VRTN: variants seen among roughly 807,000 people sequenced by gnomAD.
VRTN encodes the protein vertnin.
A neutral mutation model predicts 18.2 loss-of-function variants in VRTN; 5 were observed. The ratio of observed to expected loss-of-function variants is 0.27; its 90% CI spans 0.14 to 0.58. The LOEUF (loss-of-function observed/expected upper bound fraction) is 0.58, where lower values mean the gene tolerates loss of function less well. Ranked by LOEUF, VRTN falls within the 20% of genes least tolerant of loss-of-function variation. The pLI is 0.91. For missense variants in VRTN, 741 were observed against 939.4 expected, an observed-to-expected ratio of 0.79 and a Z score of 2.76; for synonymous variants, 381 against 393.7, an observed-to-expected ratio of 0.97 and a Z score of 0.38.
intron 1 of VRTN, among the ~76,000 whole-genome samples, chr14:74,316,382 G>A (rs905345570): frequency 1.3e-5 from 2 of 151,818 alleles, no homozygotes; most frequent in African/African-American, 2.4e-5. Flanking sequence ...CAGGTGTGTC[G>A]CACGCCTCTA....
rs1795267516 is a variant in VRTN, at chr14:74,359,151, A to G, written c.*259A>G. 2 of 642,314 alleles carry G rather than the reference A, an allele frequency of 3.1e-6. No individual in the cohort carries two copies. Among genetic ancestry groups the G allele is most frequent in the African/African-American group, 1.9e-5 (1 of 53,254 alleles). 39.8% of individuals were successfully genotyped at this position (642,314 alleles called of 1,614,324 possible). ...TGCTGGTCATATTTTTACTGTTATGATTTAGTTTTTGGTTTTGATTTGAGT... is the reference window on the plus strand; with the variant it reads ...TGCTGGTCATATTTTTACTGTTATGGTTTAGTTTTTGGTTTTGATTTGAGT... On this transcript the variant is annotated 3_prime_UTR_variant, in exon 2 of 2. Coordinates refer to ENST00000256362, the MANE Select transcript of VRTN (RefSeq NM_018228.3).
rs185045555 is a variant in VRTN, at chr14:74,325,039, T to C, written c.-163-12684T>C. On this transcript the variant is annotated intron_variant, in intron 1 of 2. Transcript: ENST00000557177. ...CCTTCCAGAAACCAGTAGGGGGGAG[T>C]GTGTGCATTTCAGGATAAAACTAAA... 5.5e-3 allele frequency among the ~76,000 whole-genome samples: 797 copies of C among 145,686 alleles called. 6 individuals carry two copies. Among genetic ancestry groups the C allele is most frequent in the Middle Eastern group, 0.019 (5 of 260 alleles).
chr14:74,305,655 A>ATTTTT (rs554079047), intron 1 of VRTN: 1 of 158,452 alleles, frequency 6.3e-6, no homozygotes, highest in African/African-American at 2.4e-5. Flanking sequence ...AGTGTTTGGG[A>ATTTTT]TTTTTTTTTA....
intron 1 of VRTN, among the ~76,000 whole-genome samples, chr14:74,318,860 A>G (rs1208923090): frequency 2.0e-5 from 3 of 151,412 alleles, no homozygotes; most frequent in Non-Finnish European, 4.4e-5. Context: ...GACTACAAGT[A>G]TGTGCCACCA....
intron 1 of VRTN, among the ~76,000 whole-genome samples, chr14:74,353,037 T>C (rs2085697171): frequency 6.6e-6 from 1 of 152,082 alleles, no homozygotes; most frequent in African/African-American, 2.4e-5. Flanking sequence ...ACGCCTGTAA[T>C]CCCAGCACTT....
At chr14:74,308,485 C>T (rs1241600189) in intron 1 of VRTN, among the ~76,000 whole-genome samples, 3 of 152,122 alleles carry the variant, frequency 2.0e-5, no homozygotes, top group African/African-American at 7.2e-5. Context: ...AAATGTAAAC[C>T]AGATCAACAG....
Position 74,356,892 on chromosome 14 carries a change from G to A in VRTN, c.109G>A (p.Val37Ile), listed in dbSNP as rs1405107284. 6.2e-7 allele frequency: 1 copy of A among 1,614,094 alleles called. No homozygotes were observed. The highest frequency in any genetic ancestry group is 8.5e-7 in the Non-Finnish European group (1 of 1,180,018). The change falls in exon 2 of 2, where the codon GTC becomes ATC. Residue 37 changes from valine (V) to isoleucine (I), a missense_variant. Around this residue, in one of 3 missense-constraint regions of VRTN, gnomAD observed 186 missense variants for 288.3 expected, o/e 0.65. Coordinates refer to ENST00000256362, the MANE Select transcript of VRTN (RefSeq NM_018228.3). ...LIGASLEAKQVLSSFTLPTCR... is the reference protein window; with the variant it reads ...LIGASLEAKQILSSFTLPTCR... ...AGGTGCTTCCTTGGAGGCCAAGCAGGTCCTGTCTTCCTTCACTCTCCCCAC... is the reference window on the plus strand; with the variant it reads ...AGGTGCTTCCTTGGAGGCCAAGCAGATCCTGTCTTCCTTCACTCTCCCCAC...
At chr14:74,354,026 G>A (rs754951532) in intron 1 of VRTN, among the ~76,000 whole-genome samples, 2 of 152,018 alleles carry the variant, frequency 1.3e-5, no homozygotes, top group African/African-American at 2.4e-5. Flanking sequence ...TGCCTGCCTC[G>A]GCCTATCTTC....
At chr14:74,329,396 G>T (rs889132116) in intron 1 of VRTN, among the ~76,000 whole-genome samples, 1 of 152,064 alleles carries the variant, frequency 6.6e-6, no homozygotes, top group Admixed American at 6.6e-5. Flanking sequence ...CTACAGGCGC[G>T]TGCCACCACG....
In VRTN at chr14:74,307,066, A is replaced by G. The variant is rs532307173; in HGVS notation, c.-164+3890A>G. Among the ~76,000 whole-genome samples the G allele has an allele frequency of 4.7e-4, 72 of 151,944 alleles. No homozygotes were observed. The South Asian group carries it at 0.014, about 30-fold the overall frequency. ...GAGTGAAGCTAATTGTCAACTTTAT[A>G]AGGAGAATTGCTCTGTGCCCACCAC... On this transcript the variant is annotated intron_variant, in intron 1 of 2. Transcript: ENST00000557177.
intron 1 of VRTN, among the ~76,000 whole-genome samples, chr14:74,352,644 C>T (rs894514686): frequency 6.6e-6 from 1 of 151,078 alleles, no homozygotes; most frequent in African/African-American, 2.4e-5. Flanking sequence ...TCGAACTATG[C>T]TCAAGTAATC....
intron 1 of VRTN, among the ~76,000 whole-genome samples, chr14:74,325,172 A>G (rs986815727): frequency 2.0e-5 from 3 of 152,152 alleles, no homozygotes; most frequent in African/African-American, 7.2e-5. Context: ...GGCAAGGGTC[A>G]GTGCAGACCC....
chr14:74,339,273 A>G (rs750016930), intron 2 of VRTN, among the ~76,000 whole-genome samples: 2 of 152,056 alleles, frequency 1.3e-5, no homozygotes, highest in African/African-American at 2.4e-5. Context: ...CACTCGCCCC[A>G]TTTCACAGAT....
rs67772080 is a variant in VRTN, at chr14:74,303,274, G to A, written c.-164+98G>A. On this transcript the variant is annotated intron_variant, in intron 1 of 2. Coordinates refer to the VRTN transcript ENST00000557177. ...AAAGTATAAATTAGGCTTCCAGCCG[G>A]GCCCGGTGGGTTACTCCTGTAATCC... 64,768 of 208,518 alleles carry A rather than the reference G, an allele frequency of 0.31. 10,900 individuals carry two copies. The highest frequency in any genetic ancestry group is 0.56 in the Middle Eastern group (339 of 610). 12.9% of individuals were successfully genotyped at this position (208,518 alleles called of 1,614,324 possible). A position where few individuals can be genotyped will look rare whatever the true frequency, so the allele number is the denominator to read the frequency against.
chr14:74,304,675 C>G (rs1404410020), intron 1 of VRTN, among the ~76,000 whole-genome samples: 1 of 152,072 alleles, frequency 6.6e-6, no homozygotes, highest in African/African-American at 2.4e-5. Flanking sequence ...GCCAAATGTC[C>G]CTTAGGGGAG....
intron 1 of VRTN, among the ~76,000 whole-genome samples, chr14:74,355,293 A>G (rs80253439): frequency 0.015 from 2,217 of 152,286 alleles, 48 homozygotes; most frequent in African/African-American, 0.05. Flanking sequence ...ATATCTGCCA[A>G]ATATATCCAA....
chr14:74,357,088 T>C lies in VRTN; in HGVS notation c.305T>C (p.Leu102Pro). 6.2e-7 allele frequency: 1 copy of C among 1,605,920 alleles called. No homozygotes were observed. The highest frequency in any genetic ancestry group is 1.1e-5 in the South Asian group (1 of 90,880). The change falls in exon 2 of 2, where the codon CTG (leucine) becomes CCG (proline). Residue 102 changes from leucine to proline, a missense_variant. Physicochemically the swap from Leu to Pro is moderately conservative, Grantham distance 98. Around this residue, in one of 3 missense-constraint regions of VRTN, gnomAD observed 186 missense variants for 288.3 expected, o/e 0.65. Transcript: ENST00000256362. This position sits in a 1 kb window ranked among gnomAD's most constrained non-coding sequence, Gnocchi z 7.8. The stretch of plus-strand genomic sequence containing the variant: ...CTGTGGGGTGACGCAGGCCTCAGCC[T>C]GGAGCTGCGGGCCCGCACCGTGGTA... The part of the protein sequence containing the change: ...MLLWGDAGLS[L>P]ELRARTVVEM...
intron 2 of VRTN, among the ~76,000 whole-genome samples, chr14:74,340,481 G>A (rs189759423): frequency 6.6e-6 from 1 of 151,960 alleles, no homozygotes; most frequent in Admixed American, 6.6e-5. Context: ...CCTGAGAGGT[G>A]ATCCGCCTAC....
intron 1 of VRTN, among the ~76,000 whole-genome samples, chr14:74,319,295 A>C (rs903195287): frequency 6.6e-6 from 1 of 152,174 alleles, no homozygotes; most frequent in South Asian, 2.1e-4. Flanking sequence ...TGGCCTCCCA[A>C]AGTGCTGGGA....
Sources: allele counts gnomAD v4.1 joint callset (sites outside exome capture counted in the v4.1 genomes callset), GRCh38; gene constraint gnomAD v4.1.1; regional missense constraint gnomAD v4.1.1; non-coding constraint Gnocchi (gnomAD v3.1); transcripts MANE v1.5; gene names NCBI Gene and HGNC (gene_info 2026-07-23, HGNC 2026-07-21).